MADD: variants seen among roughly 807,000 people sequenced by gnomAD.
MADD encodes MAP kinase-activating death domain protein.
A neutral mutation model predicts 176.7 loss-of-function variants in MADD; 109 were observed. The ratio of observed to expected loss-of-function variants is 0.62; its 90% CI spans 0.53 to 0.72. MADD has a LOEUF of 0.72. Ranked by LOEUF, MADD falls within the 30% of genes least tolerant of loss-of-function variation. MADD has a pLI of 0.00. For missense variants in MADD, 1,914 were observed against 2,045.5 expected, an observed-to-expected ratio of 0.94 and a Z score of 1.24; for synonymous variants, 771 against 771.3, an observed-to-expected ratio of 1.00 and a Z score of 0.01.
chr11:47,279,553 G>T (rs2054298930), intron 7 of MADD, among the ~76,000 whole-genome samples: 2 of 151,526 alleles, frequency 1.3e-5, no homozygotes, highest in Non-Finnish European at 2.9e-5. Context: ...TAATTTTTTT[G>T]TATTTTTGGT....
exon 17 of MADD, chr11:47,290,041 C>T (rs771721542): frequency 1.2e-6 from 2 of 1,614,180 alleles, no homozygotes; most frequent in Middle Eastern, 1.6e-4. Flanking sequence ...GGCAGGACAT[C>T]ATCCCGGATG....
chr11:47,323,861 G>A (rs1369192936), intron 28 of MADD, 26 bp downstream of exon 31: 25 of 1,606,484 alleles, frequency 1.6e-5, no homozygotes, highest in Non-Finnish European at 2.1e-5. Context: ...GTTTGGGTTG[G>A]GGCTAGTAGG....
At chr11:47,305,733 C>T (rs1221801754) in intron 22 of MADD, among the ~76,000 whole-genome samples, 1 of 152,104 alleles carries the variant, frequency 6.6e-6, no homozygotes. Flanking sequence ...CTCCACTCCC[C>T]AGGAAGAGGG....
In MADD at chr11:47,326,735, C is replaced by G; in HGVS notation, c.4543-3C>G. ...TACCCCGGCCTCCCTCCCTCTCTTG[C>G]AGGTTTTCATAGAGCTGAATCACAT... On this transcript the variant is annotated splice_polypyrimidine_tract_variant and splice_region_variant and intron_variant, in intron 30 of 32. Coordinates refer to ENST00000402192, the Ensembl canonical transcript of MADD. 1 of 1,613,954 alleles carries G rather than the reference C, an allele frequency of 6.2e-7. No homozygotes were observed. Among genetic ancestry groups the G allele is most frequent in the Non-Finnish European group, 8.5e-7 (1 of 1,179,882 alleles).
intron 30 of MADD, among the ~76,000 whole-genome samples, chr11:47,326,091 C>G (rs1356730764): frequency 6.6e-6 from 1 of 152,020 alleles, no homozygotes; most frequent in Non-Finnish European, 1.5e-5. Context: ...CTTCCACGTT[C>G]ATGGGCAAAG....
At chr11:47,294,997 G>A (rs950527610) in intron 20 of MADD, among the ~76,000 whole-genome samples, 110 of 149,008 alleles carry the variant, frequency 7.4e-4, no homozygotes, top group African/African-American at 2.6e-3. Context: ...CTTCTTTAAC[G>A]CATTGTTTTT....
At chr11:47,311,739 A>C (rs748350886) in exon 26 of MADD, 1 of 1,608,728 alleles carries the variant, frequency 6.2e-7, no homozygotes, top group East Asian at 2.2e-5. Flanking sequence ...CAGGTAAATA[A>C]GAATGACATC....
At chr11:47,291,208 C>T (rs2064967422) in intron 19 of MADD, among the ~76,000 whole-genome samples, 1 of 152,174 alleles carries the variant, frequency 6.6e-6, no homozygotes, top group African/African-American at 2.4e-5. Flanking sequence ...ATTTGTGTCT[C>T]TGAAGCCAGT....
At chr11:47,327,271 G>T in intron 31 of MADD, 2 of 994,494 alleles carry the variant, frequency 2.0e-6, no homozygotes, top group Non-Finnish European at 2.4e-6. Flanking sequence ...GTCGCAGGCA[G>T]ACTCACTTGA....
At chr11:47,328,949 C>A in intron 32 of MADD, 97 bp from the exon 37 acceptor site, 1 of 1,123,360 alleles carries the variant, frequency 8.9e-7, no homozygotes, top group South Asian at 1.3e-5. Context: ...GAGGCCCATG[C>A]CCAGTGTTAG....
intron 2 of MADD, among the ~76,000 whole-genome samples, 161 bp downstream of exon 2, chr11:47,274,137 G>C (rs2047575420): frequency 6.6e-6 from 1 of 152,148 alleles, no homozygotes; most frequent in Non-Finnish European, 1.5e-5. Flanking sequence ...AACAAAATCA[G>C]GTGGATTGAA....
At chr11:47,320,159 A>T (rs1171612616) in intron 27 of MADD, among the ~76,000 whole-genome samples, 6 of 150,194 alleles carry the variant, frequency 4.0e-5, no homozygotes, top group African/African-American at 1.5e-4. Context: ...ACTATTTTTT[A>T]AAAAAATATT....
intron 15 of MADD, among the ~76,000 whole-genome samples, chr11:47,287,994 A>T (rs2062022482): frequency 1.3e-5 from 2 of 151,608 alleles, no homozygotes; most frequent in African/African-American, 4.8e-5. Flanking sequence ...TCACCGTGTT[A>T]GCCAGGATGG....
intron 22 of MADD, among the ~76,000 whole-genome samples, chr11:47,299,343 T>C (rs1286997644): frequency 6.6e-6 from 1 of 152,054 alleles, no homozygotes; most frequent in African/African-American, 2.4e-5. Context: ...CTTACATCAG[T>C]GTTTTTTATT....
At chr11:47,278,911 A>G in intron 6 of MADD, 88 bp from the exon 7 acceptor site, 1 of 1,034,338 alleles carries the variant, frequency 9.7e-7, no homozygotes, top group Non-Finnish European at 1.5e-6. Context: ...ATAATAATGT[A>G]TATACGTCCT....
chr11:47,283,950 C>T (rs566262489), intron 10 of MADD, among the ~76,000 whole-genome samples: 1 of 152,344 alleles, frequency 6.6e-6, no homozygotes, highest in Admixed American at 6.5e-5. Context: ...TCAGGTGATC[C>T]ACCCGCCTTA....
intron 16 of MADD, 130 bp from the exon 18 acceptor site, chr11:47,289,737 G>A (rs2063624091): frequency 9.4e-7 from 1 of 1,063,408 alleles, no homozygotes. Flanking sequence ...GTGGGGATGT[G>A]GTGCACTTGG....
At chr11:47,324,643 C>T (rs769894434) in intron 30 of MADD, 66 bp downstream of exon 33, 54 of 1,064,572 alleles carry the variant, frequency 5.1e-5, no homozygotes, top group Non-Finnish European at 5.8e-5. Flanking sequence ...ATGTCCAAGC[C>T]CCCAGTACTT....
chr11:47,273,862 CTCCTTGCTTGG>C lies in MADD; in HGVS notation c.-51_-41del. ...TCAGAATTCCTCCTGGGAATGCTGA[CTCCTTGCTTGG>C]TGCCCTGATGCTTCTCTGAGATAAA... On this transcript the variant is annotated 5_prime_UTR_variant, in exon 2 of 33. An upstream open reading frame in the 5' UTR loses its in-frame stop. Coordinates refer to ENST00000402192, the Ensembl canonical transcript of MADD. 6.7e-7 allele frequency: 1 copy of C among 1,503,108 alleles called. No homozygotes were observed. The highest frequency in any genetic ancestry group is 1.1e-5 in the South Asian group (1 of 88,716). 93.1% of individuals were successfully genotyped at this position (1,503,108 alleles called of 1,614,324 possible).
Sources: allele counts gnomAD v4.1 joint callset (sites outside exome capture counted in the v4.1 genomes callset), GRCh38; gene constraint gnomAD v4.1.1; transcripts MANE v1.5; gene names NCBI Gene and HGNC (gene_info 2026-07-23, HGNC 2026-07-21).